Variants in NPAS3 observed in about 807,000 individuals in gnomAD.
NPAS3 encodes the protein neuronal PAS domain-containing protein 3.
In NPAS3, 14 loss-of-function variants were observed where a neutral mutation model predicts 73.1. The ratio of observed to expected loss-of-function variants is 0.19; its 90% CI spans 0.13 to 0.30. The LOEUF (loss-of-function observed/expected upper bound fraction) is 0.30, where lower values mean the gene tolerates loss of function less well. Among genes scored for constraint, NPAS3 ranks in the 10% least tolerant of loss-of-function variants. The pLI, the probability that NPAS3 is intolerant of heterozygous loss-of-function variation, is 1.00. For missense variants in NPAS3, 1,096 were observed against 1,250.0 expected (o/e 0.88, Z 1.86); for synonymous variants, 620 against 541.5 (o/e 1.14, Z -2.01).
chr14:33,543,932 G>A (rs1302603823), intron 4 of NPAS3, among the ~76,000 whole-genome samples: 1 of 94,446 alleles, frequency 1.1e-5, no homozygotes, highest in African/African-American at 4.3e-5. Context: ...ATCTCAGACA[G>A]GTATGGCAAA....
At chr14:33,174,937 A>G (rs2045531265) in intron 2 of NPAS3, among the ~76,000 whole-genome samples, 1 of 152,062 alleles carries the variant, frequency 6.6e-6, no homozygotes, top group East Asian at 1.9e-4. Flanking sequence ...CATTCACCAG[A>G]CTCGTTGGTT....
chr14:33,280,353 G>A (rs1394576393), intron 3 of NPAS3, among the ~76,000 whole-genome samples: 1 of 152,116 alleles, frequency 6.6e-6, no homozygotes, highest in African/African-American at 2.4e-5. Flanking sequence ...ATATATTTAA[G>A]ATTTAAGCAT....
At chr14:33,323,462 A>C (rs2043550441) in intron 3 of NPAS3, among the ~76,000 whole-genome samples, 1 of 152,056 alleles carries the variant, frequency 6.6e-6, no homozygotes, top group Non-Finnish European at 1.5e-5. Context: ...TTTTACCTCT[A>C]CTCTCTTTGG....
chr14:32,946,379 C>CACACAT (rs1200502454), intron 1 of NPAS3, among the ~76,000 whole-genome samples: 66 of 151,390 alleles, frequency 4.4e-4, no homozygotes, highest in African/African-American at 1.5e-3. Context: ...CACACACACA[C>CACACAT]ACACACAGAG....
At chr14:33,016,502 C>T (rs1000851903) in intron 1 of NPAS3, among the ~76,000 whole-genome samples, 2 of 149,826 alleles carry the variant, frequency 1.3e-5, no homozygotes, top group South Asian at 2.1e-4. Context: ...AACTGATACC[C>T]AAAGAAAAAG....
intron 5 of NPAS3, among the ~76,000 whole-genome samples, chr14:33,662,214 G>GT (rs1274632049): frequency 6.6e-6 from 1 of 152,194 alleles, no homozygotes; most frequent in African/African-American, 2.4e-5. Context: ...AAGGTACTTG[G>GT]TGTTGGGTTA....
At chr14:33,212,026 C>A (rs1052497535) in intron 2 of NPAS3, among the ~76,000 whole-genome samples, 1 of 152,194 alleles carries the variant, frequency 6.6e-6, no homozygotes, top group Non-Finnish European at 1.5e-5. Context: ...AACCACAATA[C>A]TTTCGTTTAG....
chr14:33,626,809 G>A (rs975180894), intron 5 of NPAS3, among the ~76,000 whole-genome samples: 2 of 152,126 alleles, frequency 1.3e-5, no homozygotes, highest in African/African-American at 2.4e-5. Flanking sequence ...AGTATTTTAG[G>A]TTATCCATAC....
chr14:33,219,165 G>A (rs1033966907), intron 3 of NPAS3, among the ~76,000 whole-genome samples: 2 of 152,112 alleles, frequency 1.3e-5, no homozygotes, highest in Non-Finnish European at 2.9e-5. Flanking sequence ...TCTCATTGTG[G>A]TGACTGTTGG....
chr14:33,562,606 GTATT>G (rs1567007243), intron 5 of NPAS3, among the ~76,000 whole-genome samples: 1 of 152,134 alleles, frequency 6.6e-6, no homozygotes, highest in Non-Finnish European at 1.5e-5. Context: ...ACCAGTTTAT[GTATT>G]TAGAGTTCAA....
chr14:33,186,808 A>T (rs140116916), intron 2 of NPAS3, among the ~76,000 whole-genome samples: 1 of 152,236 alleles, frequency 6.6e-6, no homozygotes, highest in Non-Finnish European at 1.5e-5. Context: ...ACTCTAGTGC[A>T]GTGTTTCCCA....
intron 2 of NPAS3, 37 bp downstream of exon 2, chr14:33,056,031 G>T (rs1167409399): frequency 1.3e-6 from 1 of 789,916 alleles, no homozygotes; most frequent in Non-Finnish European, 2.2e-6. Context: ...CTTCTGGCTC[G>T]TACATCAGTG....
chr14:32,984,037 G>T (rs1371005020), intron 1 of NPAS3, among the ~76,000 whole-genome samples: 3 of 152,184 alleles, frequency 2.0e-5, no homozygotes, highest in Admixed American at 1.3e-4. Flanking sequence ...GAATTATTAA[G>T]TATTGTACAG....
chr14:33,658,002 C>A (rs1368690274), intron 5 of NPAS3, among the ~76,000 whole-genome samples: 1 of 152,212 alleles, frequency 6.6e-6, no homozygotes, highest in Non-Finnish European at 1.5e-5. Context: ...GGATGCCAGC[C>A]ACACTCCTTT....
intron 5 of NPAS3, among the ~76,000 whole-genome samples, chr14:33,626,120 T>A (rs1308481424): frequency 6.6e-6 from 1 of 152,228 alleles, no homozygotes; most frequent in Non-Finnish European, 1.5e-5. Context: ...GTCAGGATCT[T>A]TCTGGCAGTG....
chr14:33,338,488 T>A (rs2044328593), intron 3 of NPAS3, among the ~76,000 whole-genome samples: 1 of 152,208 alleles, frequency 6.6e-6, no homozygotes, highest in Non-Finnish European at 1.5e-5. Flanking sequence ...GTCTCTCAAA[T>A]CTTTTCCTTT....
intron 2 of NPAS3, among the ~76,000 whole-genome samples, chr14:33,073,622 C>G (rs2041560107): frequency 6.6e-6 from 1 of 152,142 alleles, no homozygotes. Context: ...AGGTAATGAA[C>G]AAGCCACGTC....
intron 2 of NPAS3, among the ~76,000 whole-genome samples, chr14:33,060,414 C>T (rs1443279691): frequency 1.3e-5 from 2 of 152,286 alleles, no homozygotes; most frequent in Non-Finnish European, 2.9e-5. Flanking sequence ...TTGTAATAGG[C>T]ATGGCAGTAC....
intron 2 of NPAS3, among the ~76,000 whole-genome samples, chr14:33,182,169 C>G (rs2045821418): frequency 6.6e-6 from 1 of 152,108 alleles, no homozygotes; most frequent in Non-Finnish European, 1.5e-5. Flanking sequence ...CATATGGAAT[C>G]TTTTAAAGAA....
Sources: gnomAD v4.1 joint callset for allele counts (sites outside exome capture counted in the v4.1 genomes callset) on GRCh38, gnomAD v4.1.1 for gene constraint, MANE v1.5 for transcripts, NCBI Gene and HGNC (gene_info 2026-07-23, HGNC 2026-07-21) for gene names.